Variants in NKAIN2 observed in about 807,000 individuals in gnomAD.
NKAIN2 encodes sodium/potassium-transporting ATPase subunit beta-1-interacting protein 2.
A neutral mutation model predicts 32.6 loss-of-function variants in NKAIN2; 14 were observed. The observed-to-expected ratio is 0.43, with a 90% CI of 0.28 to 0.67. The LOEUF (loss-of-function observed/expected upper bound fraction) is 0.67, where lower values mean the gene tolerates loss of function less well. Ranked by LOEUF, NKAIN2 falls within the 30% of genes least tolerant of loss-of-function variation. The pLI is 0.17. For missense variants in NKAIN2, 198 were observed against 258.3 expected, an observed-to-expected ratio of 0.77 and a Z score of 1.60; for synonymous variants, 80 against 87.2, an observed-to-expected ratio of 0.92 and a Z score of 0.46.
intron 1 of NKAIN2, among the ~76,000 whole-genome samples, chr6:124,005,495 C>T (rs1338586893): frequency 2.0e-5 from 3 of 152,052 alleles, no homozygotes. Context: ...ATTATAGTCT[C>T]TTATTGTAGT....
chr6:124,775,909 C>T (rs909662940), intron 4 of NKAIN2, among the ~76,000 whole-genome samples: 1 of 152,006 alleles, frequency 6.6e-6, no homozygotes, highest in Non-Finnish European at 1.5e-5. Flanking sequence ...CCAATAGTAT[C>T]CAAAGGGTCC....
chr6:124,112,501 C>G (rs569195019), intron 1 of NKAIN2, among the ~76,000 whole-genome samples: 1 of 152,198 alleles, frequency 6.6e-6, no homozygotes, highest in African/African-American at 2.4e-5. Flanking sequence ...TCTCGTTTGT[C>G]TTTGACTTTT....
At chr6:124,143,631 C>A (rs543329267) in intron 1 of NKAIN2, among the ~76,000 whole-genome samples, 1 of 152,268 alleles carries the variant, frequency 6.6e-6, no homozygotes, top group Admixed American at 6.5e-5. Context: ...AAATCAGGAA[C>A]AAGGCAGATT....
chr6:124,556,179 C>A (rs1780468994), intron 3 of NKAIN2, among the ~76,000 whole-genome samples: 1 of 150,974 alleles, frequency 6.6e-6, no homozygotes, highest in African/African-American at 2.4e-5. Context: ...TTCTCCTTAT[C>A]CTGTTAGACT....
chr6:124,720,288 A>G (rs1203697415), intron 4 of NKAIN2, among the ~76,000 whole-genome samples: 2 of 152,204 alleles, frequency 1.3e-5, no homozygotes, highest in Non-Finnish European at 2.9e-5. Flanking sequence ...AGGAAACTTC[A>G]GTCCTCTTTA....
intron 3 of NKAIN2, among the ~76,000 whole-genome samples, chr6:124,575,140 T>C (rs1781280362): frequency 6.6e-6 from 1 of 152,226 alleles, no homozygotes; most frequent in Admixed American, 6.5e-5. Context: ...GTAAGCTTTT[T>C]GTTTAAAATT....
chr6:124,813,260 T>C (rs1017331799), intron 5 of NKAIN2, among the ~76,000 whole-genome samples: 1 of 152,126 alleles, frequency 6.6e-6, no homozygotes, highest in African/African-American at 2.4e-5. Context: ...TTCTGATAAG[T>C]TATTGTTTAC....
At chr6:124,395,184 T>A (rs1773324416) in intron 3 of NKAIN2, among the ~76,000 whole-genome samples, 2 of 152,272 alleles carry the variant, frequency 1.3e-5, no homozygotes, top group African/African-American at 4.8e-5. Flanking sequence ...AATTTGAAGG[T>A]ACCCCCTTTT....
intron 1 of NKAIN2, among the ~76,000 whole-genome samples, chr6:124,259,752 T>C (rs1299294754): frequency 6.6e-6 from 1 of 152,108 alleles, no homozygotes; most frequent in Non-Finnish European, 1.5e-5. Context: ...TACTGATGCC[T>C]AGATGACTAT....
At chr6:124,744,369 T>C (rs1034399016) in intron 4 of NKAIN2, among the ~76,000 whole-genome samples, 7 of 151,942 alleles carry the variant, frequency 4.6e-5, no homozygotes, top group African/African-American at 1.4e-4. Flanking sequence ...ATGACAGTGA[T>C]TGTATATAAC....
chr6:123,949,341 G>A (rs1777220230), intron 1 of NKAIN2, among the ~76,000 whole-genome samples: 1 of 151,882 alleles, frequency 6.6e-6, no homozygotes, highest in Admixed American at 6.6e-5. Flanking sequence ...TGTGAAAAAC[G>A]GCATTGGTAA....
At chr6:124,273,582 A>G (rs1236433974) in intron 1 of NKAIN2, among the ~76,000 whole-genome samples, 1 of 152,206 alleles carries the variant, frequency 6.6e-6, no homozygotes, top group Non-Finnish European at 1.5e-5. Flanking sequence ...ATTCTGTCAG[A>G]TGACATGAAT....
intron 5 of NKAIN2, among the ~76,000 whole-genome samples, chr6:124,801,418 A>C (rs1489247790): frequency 6.6e-6 from 1 of 152,206 alleles, no homozygotes; most frequent in Admixed American, 6.5e-5. Flanking sequence ...AAGGAAAGGG[A>C]CACTCAAATT....
At chr6:124,114,605 G>A (rs547937640) in intron 1 of NKAIN2, among the ~76,000 whole-genome samples, 7 of 152,144 alleles carry the variant, frequency 4.6e-5, no homozygotes, top group Admixed American at 1.3e-4. Flanking sequence ...GTAGAAAAGA[G>A]CTGAGAACTA....
chr6:124,772,723 G>T, intron 4 of NKAIN2, among the ~76,000 whole-genome samples: 1 of 152,136 alleles, frequency 6.6e-6, no homozygotes, highest in Non-Finnish European at 1.5e-5. Context: ...AATATGTAAA[G>T]GAAGAAGCAA....
intron 2 of NKAIN2, among the ~76,000 whole-genome samples, chr6:124,306,842 A>G (rs1291812267): frequency 6.6e-6 from 1 of 152,130 alleles, no homozygotes; most frequent in Non-Finnish European, 1.5e-5. Flanking sequence ...AAAGTAACAT[A>G]TATTTCTATG....
intron 2 of NKAIN2, among the ~76,000 whole-genome samples, chr6:124,290,506 A>C (rs989044771): frequency 7.3e-6 from 1 of 137,012 alleles, no homozygotes; most frequent in South Asian, 2.4e-4. Flanking sequence ...GGGTTACCTC[A>C]GAAATGTGTG....
At chr6:124,333,690 A>C (rs140497482) in intron 2 of NKAIN2, among the ~76,000 whole-genome samples, 3 of 123,262 alleles carry the variant, frequency 2.4e-5, no homozygotes, top group East Asian at 2.3e-4. Flanking sequence ...TAAATACATA[A>C]ATAAATAAAA....
intron 2 of NKAIN2, among the ~76,000 whole-genome samples, chr6:124,342,341 A>G (rs11154215): frequency 0.84 from 125,561 of 148,966 alleles, 53,049 homozygotes; most frequent in African/African-American, 0.89. Flanking sequence ...CCTGGGAGGC[A>G]GAGCTTGCAG....
Sources: gnomAD v4.1 joint callset for allele counts (sites outside exome capture counted in the v4.1 genomes callset) on GRCh38, gnomAD v4.1.1 for gene constraint, MANE v1.5 for transcripts, NCBI Gene and HGNC (gene_info 2026-07-23, HGNC 2026-07-21) for gene names.